Variants in DNAH9 observed in about 807,000 individuals in gnomAD.
DNAH9 encodes the protein DNAH9 variant protein.
Under a neutral mutation model 471.6 loss-of-function variants are expected in DNAH9, and 345 were observed. The ratio of observed to expected loss-of-function variants is 0.73; its 90% CI spans 0.67 to 0.80. The LOEUF is 0.80. Ranked by LOEUF, DNAH9 falls within the 30% of genes least tolerant of loss-of-function variation. DNAH9 has a pLI of 0.00. For missense variants in DNAH9, 5,407 were observed against 5,609.2 expected (o/e 0.96, Z 1.15); for synonymous variants, 2,093 against 2,123.6 (o/e 0.99, Z 0.40).
At chr17:11,694,617 GCTTTCTTGCTTTCTTGCTTT>G (rs1567724452) in intron 22 of DNAH9, among the ~76,000 whole-genome samples, 170 bp downstream of exon 22, 2 of 5,212 alleles carry the variant, frequency 3.8e-4, no homozygotes, top group Admixed American at 5.5e-3. Flanking sequence ...TTGCTTTCTT[GCTTTCTTGCTTTCTTGCTTT>G]CTTGCTTTCT....
intron 49 of DNAH9, among the ~76,000 whole-genome samples, chr17:11,843,896 TAGAGAG>T (rs557804957): frequency 7.5e-6 from 1 of 133,494 alleles, no homozygotes; most frequent in Non-Finnish European, 1.6e-5. Context: ...TATATACACA[TAGAGAG>T]AGAGAGAATA....
rs564965559 is a variant in DNAH9 at position 11,928,127 on chromosome 17, A to G, written c.11878-1739A>G. 1.0e-4 allele frequency among the ~76,000 whole-genome samples: 15 copies of G among 150,302 alleles called. No homozygotes were observed. The East Asian group carries it at 3.4e-3, about 34-fold the overall frequency. ...TATTTATTTATTTATTTATTTATTC[A>G]TTCATTCATTTATTTATTTATTTTG... On this transcript the variant is annotated intron_variant, in intron 62 of 68. Coordinates refer to ENST00000262442, the MANE Select transcript of DNAH9 (RefSeq NM_001372.4).
At chr17:11,929,801 C>A in intron 62 of DNAH9, 65 bp from the exon 63 acceptor site, 1 of 1,397,984 alleles carries the variant, frequency 7.2e-7, no homozygotes, top group Non-Finnish European at 9.8e-7. Context: ...TTCCTGACAA[C>A]TATTTACTGC....
chr17:11,848,604 T>C (rs760647492), intron 49 of DNAH9, among the ~76,000 whole-genome samples: 19 of 152,090 alleles, frequency 1.2e-4, no homozygotes, highest in Non-Finnish European at 2.6e-4. Flanking sequence ...GTACAAAGAA[T>C]ACTAAAAATG....
chr17:11,649,422 C>T (rs997697544), intron 12 of DNAH9, among the ~76,000 whole-genome samples: 12 of 151,738 alleles, frequency 7.9e-5, no homozygotes, highest in Admixed American at 2.0e-4. Context: ...TCTTTTGTTG[C>T]GTATAAAATA....
At chr17:11,934,920 C>A (rs947997281) in intron 65 of DNAH9, among the ~76,000 whole-genome samples, 1 of 152,162 alleles carries the variant, frequency 6.6e-6, no homozygotes, top group East Asian at 1.9e-4. Context: ...AACACAGGCA[C>A]ATACCGCATA....
intron 56 of DNAH9, among the ~76,000 whole-genome samples, chr17:11,886,504 TA>T (rs1479460050): frequency 1.4e-5 from 2 of 146,420 alleles, no homozygotes; most frequent in African/African-American, 5.2e-5. Context: ...TTTTGAGTCA[TA>T]CTTTTTTTTT....
chr17:11,698,125 A>T (rs1431691303), intron 22 of DNAH9, among the ~76,000 whole-genome samples: 2 of 126,946 alleles, frequency 1.6e-5, no homozygotes, highest in African/African-American at 6.1e-5. Flanking sequence ...AGCTATATAT[A>T]ATATATAATT....
chr17:11,676,131 G>A (rs1000399444), intron 17 of DNAH9, among the ~76,000 whole-genome samples: 3 of 151,962 alleles, frequency 2.0e-5, no homozygotes, highest in Non-Finnish European at 2.9e-5. Context: ...CTATTCCTTC[G>A]TAAGTCACTT....
At chr17:11,753,063 G>T (rs1967225998) in intron 33 of DNAH9, 103 bp downstream of exon 33, 11 of 970,166 alleles carry the variant, frequency 1.1e-5, no homozygotes, top group Non-Finnish European at 1.6e-5. Context: ...CATGATGGCT[G>T]GCTCAGAGTA....
In DNAH9 at chr17:11,775,912, A is replaced by G. The variant is rs927046071; in HGVS notation, c.7553-5097A>G. On this transcript the variant is annotated intron_variant, in intron 38 of 68. Coordinates refer to ENST00000262442, the MANE Select transcript of DNAH9 (RefSeq NM_001372.4). ...GGGCCAATCAGATGTTCTTTTATAGAGGAGGCAGCTGGCTGATAATACCTG... is the reference window on the plus strand; with the variant it reads ...GGGCCAATCAGATGTTCTTTTATAGGGGAGGCAGCTGGCTGATAATACCTG... 2.6e-5 allele frequency among the ~76,000 whole-genome samples: 4 copies of G among 152,264 alleles called. No individual in the cohort carries two copies. The South Asian group carries it at 6.2e-4, about 24-fold the overall frequency.
At chr17:11,673,844 G>A (rs920946248) in intron 17 of DNAH9, among the ~76,000 whole-genome samples, 1 of 152,002 alleles carries the variant, frequency 6.6e-6, no homozygotes, top group Non-Finnish European at 1.5e-5. Flanking sequence ...ATCACTTTGT[G>A]TATGTGTGTA....
At position 11,881,414 on chromosome 17, in the gene DNAH9, G is replaced by A; in HGVS notation, c.10806+1G>A. ...GAGGCCAGACTTGGAGCAGCTGAAG[G>A]TGAGGACAGAAGGGAGAAAATGTTC... On this transcript the variant is annotated splice_donor_variant, in intron 55 of 68. Coordinates refer to ENST00000262442, the MANE Select transcript of DNAH9 (RefSeq NM_001372.4). LOFTEE classifies it high-confidence loss of function. 6.2e-7 allele frequency: 1 copy of A among 1,611,548 alleles called. No individual in the cohort carries two copies. The highest frequency in any genetic ancestry group is 8.5e-7 in the Non-Finnish European group (1 of 1,178,992).
At chr17:11,968,621 C>T (rs1364091349) in intron 68 of DNAH9, among the ~76,000 whole-genome samples, 1 of 152,208 alleles carries the variant, frequency 6.6e-6, no homozygotes, top group Non-Finnish European at 1.5e-5. Flanking sequence ...TGTAAAACGT[C>T]AAGTCCAGAA....
intron 55 of DNAH9, chr17:11,882,823 A>G (rs1290021099): frequency 1.7e-6 from 1 of 602,860 alleles, no homozygotes; most frequent in Non-Finnish European, 2.1e-6. Flanking sequence ...ATTCCTAAAT[A>G]ATTGTAAAGC....
At chr17:11,759,468 A>G (rs994050579) in intron 35 of DNAH9, among the ~76,000 whole-genome samples, 2 of 149,598 alleles carry the variant, frequency 1.3e-5, no homozygotes, top group Middle Eastern at 3.5e-3. Context: ...ATTCTTTTTT[A>G]TGACTAAGTA....
At chr17:11,851,564 G>C (rs1971421877) in intron 49 of DNAH9, among the ~76,000 whole-genome samples, 1 of 152,164 alleles carries the variant, frequency 6.6e-6, no homozygotes, top group African/African-American at 2.4e-5. Context: ...GTGAGAAAAG[G>C]AGAAAGTGGG....
chr17:11,733,648 GACCTGGCTAACA>G (rs2150823787), intron 28 of DNAH9, among the ~76,000 whole-genome samples: 1 of 152,190 alleles, frequency 6.6e-6, no homozygotes, highest in South Asian at 2.1e-4. Flanking sequence ...TCAGGAGATT[GACCTGGCTAACA>G]ACCTGGCTAA....
At chr17:11,874,667 T>C (rs1350219980) in intron 52 of DNAH9, among the ~76,000 whole-genome samples, 1 of 151,560 alleles carries the variant, frequency 6.6e-6, no homozygotes, top group Non-Finnish European at 1.5e-5. Flanking sequence ...ATACAGATAA[T>C]ATAGTAGAAA....
Sources: allele counts gnomAD v4.1 joint callset (sites outside exome capture counted in the v4.1 genomes callset), GRCh38; gene constraint gnomAD v4.1.1; transcripts MANE v1.5; gene names NCBI Gene and HGNC (gene_info 2026-07-23, HGNC 2026-07-21).